Variants in ROR2 observed in about 807,000 individuals in gnomAD.
ROR2 encodes tyrosine-protein kinase transmembrane receptor ROR2.
A neutral mutation model predicts 74.9 loss-of-function variants in ROR2; 33 were observed. The ratio of observed to expected loss-of-function variants is 0.44; its 90% CI spans 0.33 to 0.59. The LOEUF (loss-of-function observed/expected upper bound fraction) is 0.59, where lower values mean the gene tolerates loss of function less well. ROR2 is among the 20% of genes least tolerant of loss of function. ROR2 has a pLI of 0.02. For missense variants in ROR2, 1,216 were observed against 1,313.8 expected, an observed-to-expected ratio of 0.93 and a Z score of 1.15; for synonymous variants, 586 against 558.7, an observed-to-expected ratio of 1.05 and a Z score of -0.69.
rs1285899210 is a variant in ROR2, at chr9:91,829,688, A to C, written c.98-53870T>G. ...ACTAGAGCAGGGAGCAATGAAATGA[A>C]GGCACAGTCATATTCTGGAACTGGA... On this transcript the variant is annotated intron_variant, in intron 1 of 8. Coordinates refer to ENST00000375708, the MANE Select transcript of ROR2 (RefSeq NM_004560.4). 2.0e-5 allele frequency among the ~76,000 whole-genome samples: 3 copies of C among 152,176 alleles called. No homozygotes were observed. In the East Asian group the frequency reaches 5.8e-4, roughly 29 times the overall value.
At chr9:91,930,847 G>A (rs1478608426) in intron 1 of ROR2, among the ~76,000 whole-genome samples, 2 of 152,214 alleles carry the variant, frequency 1.3e-5, no homozygotes, top group Non-Finnish European at 2.9e-5. Flanking sequence ...GACTTAATTT[G>A]CAGACTGAAG....
At chr9:91,923,563 C>CA (rs1341633793) in intron 1 of ROR2, 2 of 152,176 alleles carry the variant, frequency 1.3e-5, no homozygotes, top group African/African-American at 4.8e-5. Context: ...AGGAAATGTG[C>CA]AAAACTCTGA....
chr9:91,736,528 T>C (rs187577972), intron 5 of ROR2, among the ~76,000 whole-genome samples: 122 of 152,310 alleles, frequency 8.0e-4, no homozygotes, highest in African/African-American at 2.8e-3. Context: ...CCAACTAAAC[T>C]GAGGTGCTGG....
intron 1 of ROR2, among the ~76,000 whole-genome samples, chr9:91,859,821 T>A (rs1344745249): frequency 1.3e-5 from 2 of 151,444 alleles, no homozygotes; most frequent in Non-Finnish European, 2.9e-5. Context: ...TGAGGCTCCG[T>A]CTCAAACAAA....
chr9:91,917,293 A>C (rs1398295034), intron 1 of ROR2, among the ~76,000 whole-genome samples: 10 of 152,132 alleles, frequency 6.6e-5, no homozygotes, highest in Admixed American at 5.9e-4. Context: ...ACCATCTAAA[A>C]ATCAACATAG....
chr9:91,944,219 G>C (rs146455958), intron 1 of ROR2, among the ~76,000 whole-genome samples: 2 of 152,310 alleles, frequency 1.3e-5, no homozygotes, highest in African/African-American at 4.8e-5. Flanking sequence ...GTAGGCAACT[G>C]TAACAGGATG....
At chr9:91,827,702 T>C (rs1279152577) in intron 1 of ROR2, among the ~76,000 whole-genome samples, 1 of 152,246 alleles carries the variant, frequency 6.6e-6, no homozygotes, top group South Asian at 2.1e-4. Flanking sequence ...CGGTCCAATG[T>C]ACAGATCGAT....
intron 1 of ROR2, among the ~76,000 whole-genome samples, chr9:91,835,325 G>A (rs751338146): frequency 2.6e-5 from 4 of 152,152 alleles, no homozygotes; most frequent in Non-Finnish European, 4.4e-5. Context: ...TTCCATTTCC[G>A]TGGCTTCTTT....
At chr9:91,726,787 T>G in intron 7 of ROR2, 44 bp from the exon 8 acceptor site, 1 of 1,594,998 alleles carries the variant, frequency 6.3e-7, no homozygotes, top group African/African-American at 1.3e-5. Flanking sequence ...AAACATCCCT[T>G]TTCTACTCTA....
At chr9:91,790,273 G>A (rs1249769501) in intron 1 of ROR2, among the ~76,000 whole-genome samples, 2 of 151,882 alleles carry the variant, frequency 1.3e-5, no homozygotes, top group East Asian at 1.9e-4. Flanking sequence ...AGGCCGAGGA[G>A]GGCAGATCAC....
intron 4 of ROR2, among the ~76,000 whole-genome samples, chr9:91,754,289 C>T (rs1307630855): frequency 6.7e-6 from 1 of 149,840 alleles, no homozygotes; most frequent in African/African-American, 2.4e-5. Flanking sequence ...TATGTATTTA[C>T]AATATATTAT....
intron 1 of ROR2, among the ~76,000 whole-genome samples, chr9:91,779,368 CT>C (rs57414414): frequency 0.057 from 7,564 of 133,490 alleles, 661 homozygotes; most frequent in African/African-American, 0.2. Context: ...TTATACTTTT[CT>C]TTTTTTTTTT....
At chr9:91,936,067 G>C (rs757726717) in intron 1 of ROR2, among the ~76,000 whole-genome samples, 1 of 152,346 alleles carries the variant, frequency 6.6e-6, no homozygotes, top group East Asian at 1.9e-4. Flanking sequence ...GCTGAGGGCC[G>C]GGGCCAGACA....
At chr9:91,899,111 G>A (rs1053987253) in intron 1 of ROR2, among the ~76,000 whole-genome samples, 3 of 152,214 alleles carry the variant, frequency 2.0e-5, no homozygotes, top group Admixed American at 2.0e-4. Flanking sequence ...GCCTCTTCCT[G>A]TTCCGCTGAC....
chr9:91,916,514 G>A (rs1441450088), intron 1 of ROR2, among the ~76,000 whole-genome samples: 1 of 152,084 alleles, frequency 6.6e-6, no homozygotes, highest in East Asian at 1.9e-4. Context: ...TCCCCACCTG[G>A]CAACTTCCCC....
intron 1 of ROR2, among the ~76,000 whole-genome samples, chr9:91,780,384 AATG>A (rs1826574706): frequency 1.7e-5 from 2 of 114,896 alleles, no homozygotes; most frequent in African/African-American, 4.0e-5. Flanking sequence ...CTAAAAAAAA[AATG>A]AAAGAAAGAA....
chr9:91,818,466 AC>A lies in ROR2; in HGVS notation c.98-42649del, dbSNP rs1388840884. On this transcript the variant is annotated intron_variant, in intron 1 of 8. Transcript: ENST00000375708. ...CCCGCCCACCACGCCCCCCCACCCCACCAGTAGCCAGCCCTCTCCAAAAGGG... is the reference window on the plus strand; with the variant it reads ...CCCGCCCACCACGCCCCCCCACCCCACAGTAGCCAGCCCTCTCCAAAAGGG... 1.6e-4 allele frequency among the ~76,000 whole-genome samples: 5 copies of A among 31,886 alleles called. No individual in the cohort carries two copies. In the East Asian group the frequency reaches 4.8e-3, roughly 31 times the overall value. 20.9% of individuals were successfully genotyped at this position (31,886 alleles called of 152,430 possible). A position where few individuals can be genotyped will look rare whatever the true frequency, so the allele number is the denominator to read the frequency against.
intron 1 of ROR2, among the ~76,000 whole-genome samples, chr9:91,945,785 T>C (rs1489215131): frequency 6.6e-6 from 1 of 152,214 alleles, no homozygotes; most frequent in Non-Finnish European, 1.5e-5. Flanking sequence ...ACTCTACGAA[T>C]ATGATTTTAA....
chr9:91,946,740 C>T (rs946772861), intron 1 of ROR2, among the ~76,000 whole-genome samples: 4 of 142,616 alleles, frequency 2.8e-5, no homozygotes, highest in Non-Finnish European at 6.0e-5. Flanking sequence ...TCAAGTCCTT[C>T]ACATCCAGTT....
Sources: allele counts gnomAD v4.1 joint callset (sites outside exome capture counted in the v4.1 genomes callset), GRCh38; gene constraint gnomAD v4.1.1; transcripts MANE v1.5; gene names NCBI Gene and HGNC (gene_info 2026-07-23, HGNC 2026-07-21).